The following LOC128462377 variants were observed in gnomAD, a reference collection of about 807,000 sequenced individuals.
At chr16:89,401,370 C>A in the LOC128462377 span, among the ~76,000 whole-genome samples, 1 of 152,170 alleles carries the variant, frequency 6.6e-6, no homozygotes, top group African/African-American at 2.4e-5. Context: ...GCCACTGCGT[C>A]TGGCATTAAA....
chr16:89,391,576 T>C, the LOC128462377 span, among the ~76,000 whole-genome samples: 4 of 152,010 alleles, frequency 2.6e-5, no homozygotes, highest in African/African-American at 4.8e-5. Flanking sequence ...ATCTGAGTTT[T>C]CCCCCTCAGA....
chr16:89,365,601 AAG>A, the LOC128462377 span, among the ~76,000 whole-genome samples: 2 of 152,232 alleles, frequency 1.3e-5, no homozygotes, highest in South Asian at 4.1e-4. Context: ...ATAATTGAAA[AAG>A]AGGTATGTTC....
At chr16:89,370,971 C>G in the LOC128462377 span, among the ~76,000 whole-genome samples, 1 of 152,176 alleles carries the variant, frequency 6.6e-6, no homozygotes, top group South Asian at 2.1e-4. Flanking sequence ...ACGAGACAAC[C>G]CTAGGGCTCC....
At chr16:89,410,579 C>T in the LOC128462377 span, among the ~76,000 whole-genome samples, 1 of 152,292 alleles carries the variant, frequency 6.6e-6, no homozygotes, top group Middle Eastern at 3.4e-3. Flanking sequence ...TCTGGTTCTG[C>T]CCTCCAGACA....
At chr16:89,358,458 C>G in the LOC128462377 span, among the ~76,000 whole-genome samples, 2 of 152,216 alleles carry the variant, frequency 1.3e-5, no homozygotes, top group South Asian at 4.1e-4. Context: ...GGGTTGGTAA[C>G]TGGATTGTTT....
the LOC128462377 span, among the ~76,000 whole-genome samples, chr16:89,349,988 C>T: frequency 2.0e-5 from 3 of 151,446 alleles, no homozygotes; most frequent in Non-Finnish European, 4.4e-5. Context: ...AGCAGACAAC[C>T]CGATTTTTAG....
chr16:89,382,772 T>C, the LOC128462377 span, among the ~76,000 whole-genome samples: 1 of 152,194 alleles, frequency 6.6e-6, no homozygotes, highest in African/African-American at 2.4e-5. Context: ...GAGTCAACTG[T>C]GTTCAGCTGA....
the LOC128462377 span, among the ~76,000 whole-genome samples, chr16:89,414,594 C>T: frequency 1.3e-5 from 2 of 152,218 alleles, no homozygotes; most frequent in Non-Finnish European, 2.9e-5. Flanking sequence ...GAAGTCTTTA[C>T]AGTAGATACG....
chr16:89,329,892 G>A, the LOC128462377 span, among the ~76,000 whole-genome samples: 763 of 152,142 alleles, frequency 5.0e-3, 4 homozygotes, highest in African/African-American at 0.018. Flanking sequence ...TGTAATCCCA[G>A]CTACTTGGGA....
At chr16:89,375,861 C>G in the LOC128462377 span, among the ~76,000 whole-genome samples, 1 of 152,006 alleles carries the variant, frequency 6.6e-6, no homozygotes, top group South Asian at 2.1e-4. Context: ...CACCACAGAC[C>G]CACACAAAGT....
the LOC128462377 span, among the ~76,000 whole-genome samples, chr16:89,352,873 T>C: frequency 6.6e-6 from 1 of 152,218 alleles, no homozygotes; most frequent in Non-Finnish European, 1.5e-5. Context: ...TTTCCCTCTT[T>C]TCTCTCACGG....
At chr16:89,384,235 C>A in the LOC128462377 span, among the ~76,000 whole-genome samples, 5 of 152,020 alleles carry the variant, frequency 3.3e-5, no homozygotes, top group Non-Finnish European at 7.4e-5. Context: ...CAAACAAAAA[C>A]AAACATTTCT....
the LOC128462377 span, among the ~76,000 whole-genome samples, chr16:89,349,928 T>C: frequency 6.8e-6 from 1 of 147,162 alleles, no homozygotes; most frequent in Non-Finnish European, 1.5e-5. Context: ...AAACAACAAA[T>C]AGCTGGTAAA....
chr16:89,382,628 C>T, the LOC128462377 span, among the ~76,000 whole-genome samples: 8 of 151,824 alleles, frequency 5.3e-5, no homozygotes, highest in African/African-American at 1.9e-4. Context: ...TGAGCCACCA[C>T]ACTTGGCCGA....
chr16:89,318,124 G>A, the LOC128462377 span, among the ~76,000 whole-genome samples: 1 of 152,210 alleles, frequency 6.6e-6, no homozygotes, highest in African/African-American at 2.4e-5. Context: ...GTGGTGTGAG[G>A]CTGCCCCTCT....
At chr16:89,378,506 G>A in the LOC128462377 span, among the ~76,000 whole-genome samples, 3 of 152,138 alleles carry the variant, frequency 2.0e-5, no homozygotes, top group African/African-American at 4.8e-5. Context: ...TAGCAAAAAC[G>A]TAGAGCTTTA....
At chr16:89,367,851 CA>C in the LOC128462377 span, among the ~76,000 whole-genome samples, 1 of 152,042 alleles carries the variant, frequency 6.6e-6, no homozygotes, top group Non-Finnish European at 1.5e-5. Flanking sequence ...CTACAAAAAA[CA>C]AAAATCAGTC....
At chr16:89,328,919 C>A in the LOC128462377 span, 1 of 129,832 alleles carries the variant, frequency 7.7e-6, no homozygotes, top group Non-Finnish European at 1.6e-5. Flanking sequence ...TCAGTGGAGG[C>A]CCCTGCTGAG....
the LOC128462377 span, chr16:89,320,122 G>C: frequency 6.6e-6 from 1 of 152,366 alleles, no homozygotes; most frequent in African/African-American, 2.4e-5. Context: ...GGTGGGGGCT[G>C]TGATGATGTC....
Sources: gnomAD v4.1 joint callset for allele counts (sites outside exome capture counted in the v4.1 genomes callset) on GRCh38, gnomAD v4.1.1 for gene constraint, MANE v1.5 for transcripts.